DISC1: variants seen among roughly 807,000 people sequenced by gnomAD.
DISC1 encodes the protein disrupted in schizophrenia 1 protein.
In DISC1, 57 loss-of-function variants were observed where a neutral mutation model predicts 84.5. That is an observed-to-expected ratio of 0.67 (90% CI 0.55 to 0.84). The LOEUF is 0.84. Among genes scored for constraint, DISC1 ranks in the 40% least tolerant of loss-of-function variants. The pLI is 0.00. For missense variants in DISC1, 1,000 were observed against 1,057.8 expected, an observed-to-expected ratio of 0.95 and a Z score of 0.76; for synonymous variants, 411 against 415.2, an observed-to-expected ratio of 0.99 and a Z score of 0.12.
chr1:231,842,303 G>A lies in DISC1; in HGVS notation c.1981+23786G>A, dbSNP rs1469646785. Among the ~76,000 whole-genome samples the A allele has an allele frequency of 2.6e-5, 4 of 152,086 alleles. No individual in the cohort carries two copies. The East Asian group carries it at 5.8e-4, about 22-fold the overall frequency. Reference sequence around the variant, plus strand: ...GTGCTGGGATTACGTGAGCCATTGCGCCCAGCCTTTTCGAGGCTATTAGTT... The same window carrying A: ...GTGCTGGGATTACGTGAGCCATTGCACCCAGCCTTTTCGAGGCTATTAGTT... On this transcript the variant is annotated intron_variant, in intron 9 of 12. Coordinates refer to ENST00000439617, the MANE Select transcript of DISC1 (RefSeq NM_018662.3).
At chr1:231,754,924 A>G (rs2074972549) in intron 4 of DISC1, among the ~76,000 whole-genome samples, 1 of 152,184 alleles carries the variant, frequency 6.6e-6, no homozygotes, top group African/African-American at 2.4e-5. Flanking sequence ...ATACTATGCC[A>G]GTGAATGTTC....
At chr1:231,909,567 GTT>G (rs2089000512) in intron 9 of DISC1, among the ~76,000 whole-genome samples, 2 of 152,144 alleles carry the variant, frequency 1.3e-5, no homozygotes, top group Admixed American at 6.5e-5. Flanking sequence ...GCTGGATTCT[GTT>G]TGCCAGTATT....
chr1:232,009,351 A>G lies in DISC1; in HGVS notation c.2307+302A>G. On this transcript the variant is annotated intron_variant, in intron 11 of 12. Coordinates refer to ENST00000439617, the MANE Select transcript of DISC1 (RefSeq NM_018662.3). The surrounding 1 kb of genome is among the most constrained non-coding windows in gnomAD (Gnocchi z 4.6). ...AATTACCATATATAGCATACATTAT[A>G]TATGTCATATATAATATAGTTATTA... 1 of 992,672 alleles carries G rather than the reference A, an allele frequency of 1.0e-6. No individual in the cohort carries two copies. Among genetic ancestry groups the G allele is most frequent in the Non-Finnish European group, 1.2e-6 (1 of 801,920 alleles). 61.5% of individuals were successfully genotyped at this position (992,672 alleles called of 1,614,324 possible).
rs1168890977 is a variant in DISC1, at chr1:231,912,937, T to A, written c.1982-45891T>A. ...TCTTTCTGTTCTTCTTTTGATAGGA[T>A]CTTGCTGTCACCCAAGCTTGAGTGC... On this transcript the variant is annotated intron_variant, in intron 9 of 12. Transcript: ENST00000439617. 2.0e-5 allele frequency among the ~76,000 whole-genome samples: 3 copies of A among 150,954 alleles called. No individual in the cohort carries two copies. The East Asian group carries it at 5.9e-4, about 29-fold the overall frequency.
At chr1:231,970,887 C>CT (rs775137234) in intron 10 of DISC1, among the ~76,000 whole-genome samples, 3 of 152,138 alleles carry the variant, frequency 2.0e-5, no homozygotes, top group Non-Finnish European at 4.4e-5. Flanking sequence ...GTTCCTCTTT[C>CT]TTTAAGTTGG....
chr1:231,632,125 G>A (rs1159574710), intron 1 of DISC1, among the ~76,000 whole-genome samples: 1 of 152,200 alleles, frequency 6.6e-6, no homozygotes, highest in East Asian at 1.9e-4. Context: ...TGTAGCCTAG[G>A]AACAGTAGCT....
At chr1:231,862,467 A>G (rs909990699) in intron 9 of DISC1, among the ~76,000 whole-genome samples, 5 of 152,324 alleles carry the variant, frequency 3.3e-5, no homozygotes, top group Middle Eastern at 3.4e-3. Context: ...TAGTCTGCTT[A>G]TGAAAGAACT....
intron 9 of DISC1, among the ~76,000 whole-genome samples, chr1:231,933,710 A>T (rs963994688): frequency 2.0e-5 from 3 of 152,198 alleles, no homozygotes; most frequent in African/African-American, 7.2e-5. Context: ...GGCATCTTTT[A>T]AAATTAAATA....
At position 231,654,312 on chromosome 1, in the gene DISC1, T is replaced by TG. The variant is rs1049071435; in HGVS notation, c.67+27379dup. Among the ~76,000 whole-genome samples, 4 of 145,056 alleles carry TG rather than the reference T, an allele frequency of 2.8e-5. No individual in the cohort carries two copies. The Admixed American group carries it at 2.9e-4, about 10-fold the overall frequency. ...TTATGTCAAAAATTTGATAGGATTC[T>TG]GTTTTTTTTTTAAATTAATTACTTT... On this transcript the variant is annotated intron_variant, in intron 1 of 12. Coordinates refer to ENST00000439617, the MANE Select transcript of DISC1 (RefSeq NM_018662.3).
chr1:231,963,549 T>C (rs1660683919), intron 10 of DISC1, among the ~76,000 whole-genome samples: 1 of 151,946 alleles, frequency 6.6e-6, no homozygotes, highest in African/African-American at 2.4e-5. Context: ...CACCAGGCCT[T>C]CCCATTCAGC....
In DISC1 at chr1:231,681,820, C is replaced by G. The variant is rs1024243625; in HGVS notation, c.68-12006C>G. Among the ~76,000 whole-genome samples the G allele has an allele frequency of 3.3e-5, 5 of 152,224 alleles. No individual in the cohort carries two copies. In the East Asian group the frequency reaches 9.7e-4, roughly 29 times the overall value. On this transcript the variant is annotated intron_variant, in intron 1 of 12. Coordinates refer to ENST00000439617, the MANE Select transcript of DISC1 (RefSeq NM_018662.3). ...AAGCGATTCTCCTGCCTCAGCCTCC[C>G]AAGTAGCTAGGATTACAAGTGCCCT... is the stretch of plus-strand genomic sequence containing the variant.
intron 7 of DISC1, among the ~76,000 whole-genome samples, chr1:231,796,594 G>A (rs1256111039): frequency 6.6e-6 from 1 of 152,122 alleles, no homozygotes; most frequent in Non-Finnish European, 1.5e-5. Flanking sequence ...ACAACACCCA[G>A]TGATTTTGCT....
chr1:231,759,541 A>C (rs916846834), intron 4 of DISC1, among the ~76,000 whole-genome samples: 1 of 147,356 alleles, frequency 6.8e-6, no homozygotes, highest in Non-Finnish European at 1.5e-5. Context: ...AAAAAAAAAA[A>C]AAAAAAAAAA....
intron 1 of DISC1, among the ~76,000 whole-genome samples, chr1:231,682,800 T>C (rs751624625): frequency 2.0e-5 from 3 of 152,254 alleles, no homozygotes; most frequent in Non-Finnish European, 4.4e-5. Context: ...TGAATATTGG[T>C]GCAATGAACT....
intron 10 of DISC1, among the ~76,000 whole-genome samples, chr1:231,995,551 T>G (rs1348160852): frequency 6.6e-6 from 1 of 152,070 alleles, no homozygotes; most frequent in African/African-American, 2.4e-5. Flanking sequence ...CCATGTGTTC[T>G]CATTGTTCAA....
At chr1:231,984,501 C>T (rs1018520945) in intron 10 of DISC1, among the ~76,000 whole-genome samples, 17 of 151,930 alleles carry the variant, frequency 1.1e-4, no homozygotes, top group African/African-American at 1.5e-4. Flanking sequence ...GGATGGGGGG[C>T]GTGGGTGGCA....
intron 10 of DISC1, among the ~76,000 whole-genome samples, chr1:232,000,583 A>T (rs1666563402): frequency 6.6e-6 from 1 of 152,244 alleles, no homozygotes; most frequent in Admixed American, 6.5e-5. Context: ...AATCCTACAG[A>T]TTCAAGAAGC....
chr1:231,717,525 T>C (rs2068930342), intron 3 of DISC1, among the ~76,000 whole-genome samples: 1 of 152,162 alleles, frequency 6.6e-6, no homozygotes, highest in Non-Finnish European at 1.5e-5. Context: ...GGGTCCTGCA[T>C]TGGCCATTTC....
At chr1:231,919,310 A>G (rs149260410) in intron 9 of DISC1, among the ~76,000 whole-genome samples, 99 of 152,304 alleles carry the variant, frequency 6.5e-4, no homozygotes, top group Middle Eastern at 3.4e-3. Context: ...AACACCATTC[A>G]TTTGTGTTAT....
Sources: allele counts gnomAD v4.1 joint callset (sites outside exome capture counted in the v4.1 genomes callset), GRCh38; gene constraint gnomAD v4.1.1; non-coding constraint Gnocchi (gnomAD v3.1); transcripts MANE v1.5; gene names NCBI Gene and HGNC (gene_info 2026-07-23, HGNC 2026-07-21).